The following TBX4 variants were observed in gnomAD, a reference collection of about 807,000 sequenced individuals.
TBX4 encodes the protein T-box transcription factor TBX4.
In TBX4, 13 loss-of-function variants were observed where a neutral mutation model predicts 54.6. That is an observed-to-expected ratio of 0.24 (90% confidence interval 0.15 to 0.38). The LOEUF is 0.38. Among genes scored for constraint, TBX4 ranks in the 10% least tolerant of loss-of-function variants. TBX4 has a pLI of 1.00. For missense variants in TBX4, 631 were observed against 728.5 expected, an observed-to-expected ratio of 0.87 and a Z score of 1.54; for synonymous variants, 314 against 306.7, an observed-to-expected ratio of 1.02 and a Z score of -0.25.
chr17:61,456,741 C>A, intron 2 of TBX4, 65 bp downstream of exon 2: 3 of 1,229,902 alleles, frequency 2.4e-6, no homozygotes, highest in Admixed American at 3.8e-5. Context: ...CGCCTGTGTC[C>A]GTCTTTCCGT....
Position 61,480,404 on chromosome 17 carries a change from C to CCA in TBX4, c.1021+86_1021+87dup. The stretch of plus-strand genomic sequence containing the variant: ...AAACCACTCTGCAGCGCCCCCCCCC[C>CCA]CAACACACACACACTCATCTCGTGC... On this transcript the variant is annotated intron_variant, in intron 8 of 8. Coordinates refer to ENST00000644296, the MANE Select transcript of TBX4 (RefSeq NM_001321120.2). The surrounding 1 kb of genome is among the most constrained non-coding windows in gnomAD (Gnocchi z 6.2). The CCA allele has an allele frequency of 9.8e-7, 1 of 1,018,394 alleles. No homozygotes were observed. The highest frequency in any genetic ancestry group is 1.4e-5 in the South Asian group (1 of 71,170). 63.1% of individuals were successfully genotyped at this position (1,018,394 alleles called of 1,614,324 possible).
In TBX4 at chr17:61,483,897, TG is replaced by T. The variant is rs1460958811; in HGVS notation, c.*385del. ...GGGCCAGGTGGGGAGTTCTCTCCCA[TG>T]GGGAAAGATTCTCACTGCTGGGGTG... On this transcript the variant is annotated 3_prime_UTR_variant, in exon 9 of 9. Transcript: ENST00000644296. The surrounding 1 kb of genome is among the most constrained non-coding windows in gnomAD (Gnocchi z 6.6). 1.1e-5 allele frequency: 3 copies of T among 272,588 alleles called. No individual in the cohort carries two copies. Among genetic ancestry groups the T allele is most frequent in the Non-Finnish European group, 2.2e-5 (3 of 139,170 alleles). 16.9% of individuals were successfully genotyped at this position (272,588 alleles called of 1,614,324 possible).
At chr17:61,469,865 G>A (rs896034407) in intron 5 of TBX4, among the ~76,000 whole-genome samples, 2 of 152,226 alleles carry the variant, frequency 1.3e-5, no homozygotes, top group Non-Finnish European at 2.9e-5. Context: ...TGGCTTCTCA[G>A]TGCAAGAGGC....
In TBX4 at chr17:61,476,470, T is replaced by A. The variant is rs1254575026; in HGVS notation, c.550-2157T>A. On this transcript the variant is annotated intron_variant, in intron 5 of 8. Transcript: ENST00000644296. This position sits in a 1 kb window ranked among gnomAD's most constrained non-coding sequence, Gnocchi z 6.5. ...TCCGGGAACGTGGGTCCTTTGTGGA[T>A]GCCTGCAGCTCTGTGAATAGTGCAC... Among the ~76,000 whole-genome samples the A allele has an allele frequency of 6.6e-6, 1 of 152,248 alleles. No homozygotes were observed. The highest frequency in any genetic ancestry group is 6.5e-5 in the Admixed American group (1 of 15,292).
chr17:61,456,945 C>A (rs969872893), intron 2 of TBX4, among the ~76,000 whole-genome samples: 2 of 152,160 alleles, frequency 1.3e-5, no homozygotes, highest in Non-Finnish European at 2.9e-5. Flanking sequence ...GAGAGGGAGA[C>A]CCCCGTAGCA....
At chr17:61,471,121 C>G (rs1004337240) in intron 5 of TBX4, among the ~76,000 whole-genome samples, 1 of 152,232 alleles carries the variant, frequency 6.6e-6, no homozygotes, top group African/African-American at 2.4e-5. Flanking sequence ...AAGTAGCACG[C>G]ATTAGTCCCC....
rs1052384747 is a variant in TBX4, at chr17:61,479,284, C to A, written c.702+505C>A. Among the ~76,000 whole-genome samples the A allele has an allele frequency of 6.6e-6, 1 of 152,148 alleles. No homozygotes were observed. The highest frequency in any genetic ancestry group is 2.4e-5 in the African/African-American group (1 of 41,422). On this transcript the variant is annotated intron_variant, in intron 6 of 8. Transcript: ENST00000644296. This position sits in a 1 kb window ranked among gnomAD's most constrained non-coding sequence, Gnocchi z 6.1. ...ACTACTGCCCTCCCCAGCCCGGCCA[C>A]CCCCACTGCATCCCAGTCACTGACA...
In TBX4 at chr17:61,480,042, A is replaced by C; in HGVS notation, c.792-48A>C. The C allele has an allele frequency of 1.2e-6, 2 of 1,611,458 alleles. No individual in the cohort carries two copies. Among genetic ancestry groups the C allele is most frequent in the Non-Finnish European group, 8.5e-7 (1 of 1,177,764 alleles). On this transcript the variant is annotated intron_variant, in intron 7 of 8. Coordinates refer to ENST00000644296, the MANE Select transcript of TBX4 (RefSeq NM_001321120.2). This position sits in a 1 kb window ranked among gnomAD's most constrained non-coding sequence, Gnocchi z 6.2. ...ACGTGGCCTCTGTGACCCTCGATGTATCTTCACTCTCTTCCTGTCTCTCCT... is the reference window on the plus strand; with the variant it reads ...ACGTGGCCTCTGTGACCCTCGATGTCTCTTCACTCTCTTCCTGTCTCTCCT...
rs1569047668 is a variant in TBX4, at chr17:61,483,664, A to ATGTGTGTG, written c.*151_*152insGTGTGTGT. On this transcript the variant is annotated 3_prime_UTR_variant, in exon 9 of 9. Transcript: ENST00000644296. This position sits in a 1 kb window ranked among gnomAD's most constrained non-coding sequence, Gnocchi z 6.6. ...TGTGTGTGTGTGTGTATACACGAGC[A>ATGTGTGTG]TGTATGTATTTGGAGAGCATCCATC... 3 of 865,260 alleles carry ATGTGTGTG rather than the reference A, an allele frequency of 3.5e-6. No individual in the cohort carries two copies. In the African/African-American group the frequency reaches 6.9e-5, roughly 20 times the overall value. The allele number at this position is 865,260 out of a possible 1,614,324, so 53.6% of individuals were successfully genotyped here.
In TBX4 at chr17:61,478,627, A is replaced by G; in HGVS notation, c.550A>G (p.Ile184Val). Reference sequence around the variant, plus strand: ...TCAGCATGAGACCCTTCTCTTCCAGATCATCCTCAACTCTATGCACAAGTA... The same window carrying G: ...TCAGCATGAGACCCTTCTCTTCCAGGTCATCCTCAACTCTATGCACAAGTA... ...TNNHLDPFGH[I>V]ILNSMHKYQP... The change falls in exon 6 of 9, where the codon ATC (isoleucine) becomes GTC (valine). Residue 184 changes from isoleucine to valine, a missense_variant and splice_region_variant. Ile to Val is a conservative substitution (Grantham distance 29). Coordinates refer to ENST00000644296, the MANE Select transcript of TBX4 (RefSeq NM_001321120.2). This position sits in a 1 kb window ranked among gnomAD's most constrained non-coding sequence, Gnocchi z 7.4. The G allele has an allele frequency of 6.2e-7, 1 of 1,614,182 alleles. No individual in the cohort carries two copies. Among genetic ancestry groups the G allele is most frequent in the Non-Finnish European group, 8.5e-7 (1 of 1,180,028 alleles).
Position 61,462,555 on chromosome 17 carries a change from G to C in TBX4, c.282-3264G>C. On this transcript the variant is annotated intron_variant, in intron 3 of 8. Coordinates refer to ENST00000644296, the MANE Select transcript of TBX4 (RefSeq NM_001321120.2). This position sits in a 1 kb window ranked among gnomAD's most constrained non-coding sequence, Gnocchi z 4.5. ...GGGCATAGGGAGAGGGTGCAGGGAGGGGAGAGGGGGAGCGCGCAAGGAGGG... is the reference window on the plus strand; with the variant it reads ...GGGCATAGGGAGAGGGTGCAGGGAGCGGAGAGGGGGAGCGCGCAAGGAGGG... 6.6e-6 allele frequency among the ~76,000 whole-genome samples: 1 copy of C among 151,762 alleles called. No homozygotes were observed. The highest frequency in any genetic ancestry group is 1.5e-5 in the Non-Finnish European group (1 of 67,904).
In TBX4 at chr17:61,476,760, G is replaced by T. The variant is rs2060623327; in HGVS notation, c.550-1867G>T. Among the ~76,000 whole-genome samples the T allele has an allele frequency of 6.6e-6, 1 of 152,238 alleles. No homozygotes were observed. The highest frequency in any genetic ancestry group is 6.5e-5 in the Admixed American group (1 of 15,294). On this transcript the variant is annotated intron_variant, in intron 5 of 8. Transcript: ENST00000644296. The surrounding 1 kb of genome is among the most constrained non-coding windows in gnomAD (Gnocchi z 6.5). ...AGGTTTGTCACTGAGGGCTGAGGCG[G>T]GAGTGGCCAGTGCAGAAGGCAGAAA...
In TBX4 at chr17:61,475,378, C is replaced by T. The variant is rs1260501929; in HGVS notation, c.550-3249C>T. 1.3e-5 allele frequency among the ~76,000 whole-genome samples: 2 copies of T among 152,138 alleles called. No homozygotes were observed. The highest frequency in any genetic ancestry group is 2.9e-5 in the Non-Finnish European group (2 of 68,028). ...GGGAAAGAGGAGGAAATACAAAAGG[C>T]CCTGCTCTTAAGCAATGCACATCTT... On this transcript the variant is annotated intron_variant, in intron 5 of 8. Transcript: ENST00000644296. This position sits in a 1 kb window ranked among gnomAD's most constrained non-coding sequence, Gnocchi z 5.0.
At position 61,465,238 on chromosome 17, in the gene TBX4, C is replaced by T. The variant is rs2060526517; in HGVS notation, c.282-581C>T. On this transcript the variant is annotated intron_variant, in intron 3 of 8. Coordinates refer to ENST00000644296, the MANE Select transcript of TBX4 (RefSeq NM_001321120.2). The surrounding 1 kb of genome is among the most constrained non-coding windows in gnomAD (Gnocchi z 4.9). ...ACCCCCGATAGACACACTGGAAGAA[C>T]CCAAACCTAGCAGGGTTTTGGACAG... Among the ~76,000 whole-genome samples the T allele has an allele frequency of 6.6e-6, 1 of 152,184 alleles. No homozygotes were observed. Among genetic ancestry groups the T allele is most frequent in the South Asian group, 2.1e-4 (1 of 4,832 alleles).
Position 61,457,240 on chromosome 17 carries a change from C to A in TBX4, c.187-297C>A, listed in dbSNP as rs1048556588. Among the ~76,000 whole-genome samples, 4 of 152,176 alleles carry A rather than the reference C, an allele frequency of 2.6e-5. No individual in the cohort carries two copies. Among genetic ancestry groups the A allele is most frequent in the African/African-American group, 9.6e-5 (4 of 41,458 alleles). ...CTGCCCCGGGAGCCTGTGGCGATGG[C>A]CCGCCACAGAAATGTTCATGAGTGA... On this transcript the variant is annotated intron_variant, in intron 2 of 8. Transcript: ENST00000644296. This position sits in a 1 kb window ranked among gnomAD's most constrained non-coding sequence, Gnocchi z 8.2.
rs945411085 is a variant in TBX4, at chr17:61,475,364, G to A, written c.550-3263G>A. Among the ~76,000 whole-genome samples the A allele has an allele frequency of 5.9e-5, 9 of 152,194 alleles. No individual in the cohort carries two copies. The highest frequency in any genetic ancestry group is 2.2e-4 in the African/African-American group (9 of 41,444). ...AGGAGGGGATGTGGGGGAAAGAGGA[G>A]GAAATACAAAAGGCCCTGCTCTTAA... On this transcript the variant is annotated intron_variant, in intron 5 of 8. Transcript: ENST00000644296. This position sits in a 1 kb window ranked among gnomAD's most constrained non-coding sequence, Gnocchi z 5.0.
Position 61,456,524 on chromosome 17 carries a change from G to A in TBX4, c.34G>A (p.Glu12Lys), listed in dbSNP as rs756802394. ...GGATAAGGGCCTGTCCGAGAGCGAGGAGGCCTTCCGGGCCCCGGGCCCAGC... is the reference window on the plus strand; with the variant it reads ...GGATAAGGGCCTGTCCGAGAGCGAGAAGGCCTTCCGGGCCCCGGGCCCAGC... ...LQDKGLSESE[E>K]AFRAPGPALG... The change falls in exon 2 of 9, where the codon GAG becomes AAG. Residue 12 changes from glutamate (E) to lysine (K), a missense_variant. Physicochemically the swap from Glu to Lys is moderately conservative, Grantham distance 56. Transcript: ENST00000644296. 143 of 1,565,320 alleles carry A rather than the reference G, an allele frequency of 9.1e-5. No homozygotes were observed. The highest frequency in any genetic ancestry group is 2.5e-4 in the South Asian group (21 of 84,938).
chr17:61,473,197 C>T (rs1429574744), intron 5 of TBX4, among the ~76,000 whole-genome samples: 3 of 152,188 alleles, frequency 2.0e-5, no homozygotes, highest in Non-Finnish European at 4.4e-5. Context: ...TGAAATGGCC[C>T]TGCACGTTTC....
chr17:61,482,443 C>T (rs957203922), intron 8 of TBX4, among the ~76,000 whole-genome samples: 1 of 152,230 alleles, frequency 6.6e-6, no homozygotes, highest in South Asian at 2.1e-4. Context: ...TTCCTGGGAG[C>T]TGAGGATGGA....
Sources: gnomAD v4.1 joint callset for allele counts (sites outside exome capture counted in the v4.1 genomes callset) on GRCh38, gnomAD v4.1.1 for gene constraint, Gnocchi (gnomAD v3.1) non-coding constraint, MANE v1.5 for transcripts, NCBI Gene and HGNC (gene_info 2026-07-23, HGNC 2026-07-21) for gene names.